ADAMTS3: variants seen among roughly 807,000 people sequenced by gnomAD.
ADAMTS3 encodes ADAM metallopeptidase with thrombospondin type 1 motif 3, also known as A disintegrin and metalloproteinase with thrombospondin motifs 3.
Under a neutral mutation model 129.0 loss-of-function variants are expected in ADAMTS3, and 73 were observed. The observed-to-expected ratio is 0.57, with a 90% CI of 0.47 to 0.69. ADAMTS3 has a LOEUF of 0.69. Among genes scored for constraint, ADAMTS3 ranks in the 30% least tolerant of loss-of-function variants. The pLI, the probability that ADAMTS3 is intolerant of heterozygous loss-of-function variation, is 0.00. For synonymous variants in ADAMTS3, 477 were observed against 510.8 expected (o/e 0.93, Z 0.89); for missense variants, 1,457 against 1,514.5 (o/e 0.96, Z 0.63).
At chr4:72,403,949 A>G (rs1489220261) in intron 4 of ADAMTS3, among the ~76,000 whole-genome samples, 7 of 152,086 alleles carry the variant, frequency 4.6e-5, no homozygotes, top group Admixed American at 2.0e-4. Flanking sequence ...GCTTTGAGTC[A>G]ATGGAGAGAA....
chr4:72,367,503 C>T (rs1429763584), intron 4 of ADAMTS3, among the ~76,000 whole-genome samples: 1 of 151,932 alleles, frequency 6.6e-6, no homozygotes, highest in African/African-American at 2.4e-5. Flanking sequence ...ATAAAAAGTA[C>T]TTATTATTTC....
At chr4:72,383,188 G>A (rs569876810) in intron 4 of ADAMTS3, among the ~76,000 whole-genome samples, 1 of 151,286 alleles carries the variant, frequency 6.6e-6, no homozygotes, top group African/African-American at 2.4e-5. Flanking sequence ...CTTCTGGGAT[G>A]GTTAAGTACT....
chr4:72,297,025 C>A (rs923175341), intron 18 of ADAMTS3, among the ~76,000 whole-genome samples: 8 of 152,020 alleles, frequency 5.3e-5, no homozygotes, highest in African/African-American at 1.9e-4. Context: ...AGAAAGAATG[C>A]TACATAAAGT....
intron 19 of ADAMTS3, 116 bp from the exon 20 acceptor site, chr4:72,291,178 A>G: frequency 3.9e-6 from 4 of 1,014,080 alleles, no homozygotes; most frequent in Admixed American, 2.5e-5. Flanking sequence ...TAGTGGGCAC[A>G]CTGCAGTTCA....
intron 4 of ADAMTS3, among the ~76,000 whole-genome samples, chr4:72,381,084 G>A (rs930983962): frequency 2.0e-5 from 3 of 152,032 alleles, no homozygotes; most frequent in African/African-American, 7.2e-5. Context: ...GGTTTCCCAA[G>A]ATACAGTGCA....
chr4:72,473,104 T>G (rs1719123679), intron 3 of ADAMTS3, among the ~76,000 whole-genome samples: 1 of 152,170 alleles, frequency 6.6e-6, no homozygotes, highest in African/African-American at 2.4e-5. Flanking sequence ...TCAACATGTG[T>G]ACCTGAAGTA....
intron 3 of ADAMTS3, among the ~76,000 whole-genome samples, chr4:72,530,416 T>C (rs1398732630): frequency 2.4e-5 from 2 of 85,068 alleles, no homozygotes; most frequent in Non-Finnish European, 4.0e-5. Context: ...TAATATATAA[T>C]ATATATTAAA....
intron 3 of ADAMTS3, among the ~76,000 whole-genome samples, chr4:72,519,247 A>C (rs1006598068): frequency 3.3e-5 from 5 of 152,070 alleles, no homozygotes; most frequent in Admixed American, 2.0e-4. Flanking sequence ...GTAACCTGAC[A>C]TTTCTCTCTG....
chr4:72,481,396 C>T (rs1458453254), intron 3 of ADAMTS3, among the ~76,000 whole-genome samples: 2 of 152,126 alleles, frequency 1.3e-5, no homozygotes, highest in African/African-American at 4.8e-5. Flanking sequence ...CATATCCACA[C>T]CAATATGCCC....
chr4:72,513,541 T>C (rs915459035), intron 3 of ADAMTS3, among the ~76,000 whole-genome samples: 4 of 152,218 alleles, frequency 2.6e-5, no homozygotes, highest in African/African-American at 9.6e-5. Context: ...CTCTTGTTTA[T>C]TGACACTCCA....
At chr4:72,447,001 T>C (rs1718269367) in intron 3 of ADAMTS3, among the ~76,000 whole-genome samples, 1 of 151,696 alleles carries the variant, frequency 6.6e-6, no homozygotes, top group Non-Finnish European at 1.5e-5. Context: ...AGTCTTTTCT[T>C]GAATCAGACA....
At chr4:72,467,438 C>G (rs1030174560) in intron 3 of ADAMTS3, among the ~76,000 whole-genome samples, 8 of 152,006 alleles carry the variant, frequency 5.3e-5, no homozygotes, top group African/African-American at 1.9e-4. Context: ...GCAAATGGCT[C>G]CTTATAATCT....
chr4:72,340,595 T>G (rs1720111155), intron 4 of ADAMTS3, among the ~76,000 whole-genome samples: 1 of 152,036 alleles, frequency 6.6e-6, no homozygotes, highest in Non-Finnish European at 1.5e-5. Context: ...AATTTCTTAT[T>G]TAATGCAGTT....
At chr4:72,291,166 C>T (rs2109772131) in intron 19 of ADAMTS3, 104 bp from the exon 20 acceptor site, 1 of 1,193,438 alleles carries the variant, frequency 8.4e-7, no homozygotes, top group East Asian at 2.5e-5. Flanking sequence ...TGACTTGCAA[C>T]CTAGTGGGCA....
chr4:72,530,263 T>C (rs1457997685), intron 3 of ADAMTS3, among the ~76,000 whole-genome samples: 2 of 81,466 alleles, frequency 2.5e-5, no homozygotes, highest in East Asian at 7.4e-4. Context: ...ATTTATATTA[T>C]ATATAATATA....
chr4:72,331,448 C>T (rs1217034802), intron 5 of ADAMTS3, among the ~76,000 whole-genome samples: 4 of 152,196 alleles, frequency 2.6e-5, no homozygotes, highest in Admixed American at 2.6e-4. Flanking sequence ...CTCTCTCCTC[C>T]AAATAATTCT....
intron 3 of ADAMTS3, among the ~76,000 whole-genome samples, chr4:72,531,316 CA>C (rs1301115743): frequency 1.3e-5 from 2 of 152,070 alleles, no homozygotes; most frequent in Non-Finnish European, 2.9e-5. Flanking sequence ...TGGAGGAAAG[CA>C]TTCAGGTGTG....
In ADAMTS3 at chr4:72,283,131, C is replaced by G. The variant is rs1333133752; in HGVS notation, c.*5G>C. On this transcript the variant is annotated 3_prime_UTR_variant, in exon 22 of 22. Transcript: ENST00000286657. ...TCTGGTTTCTAGCCTTTTTGGTTCA[C>G]TTTCTCATCTTTCTAAGGTGGATGA... 6.3e-7 allele frequency: 1 copy of G among 1,586,900 alleles called. No individual in the cohort carries two copies. Among genetic ancestry groups the G allele is most frequent in the Admixed American group, 1.8e-5 (1 of 56,412 alleles).
intron 4 of ADAMTS3, among the ~76,000 whole-genome samples, chr4:72,394,748 A>G (rs1721683438): frequency 2.0e-5 from 3 of 152,194 alleles, no homozygotes; most frequent in Admixed American, 6.5e-5. Flanking sequence ...ATACCACTAC[A>G]CTAAAATAGT....
Sources: allele counts gnomAD v4.1 joint callset (sites outside exome capture counted in the v4.1 genomes callset), GRCh38; gene constraint gnomAD v4.1.1; transcripts MANE v1.5; gene names NCBI Gene and HGNC (gene_info 2026-07-23, HGNC 2026-07-21).